Variants in ENPEP observed in about 807,000 individuals in gnomAD.
ENPEP encodes AP-A.
ENPEP carries 103 observed loss-of-function variants against 114.5 expected under a neutral mutation model. That is an observed-to-expected ratio of 0.90 (90% CI 0.77 to 1.06). The LOEUF is 1.06. Among genes scored for constraint, ENPEP ranks in the 50% least tolerant of loss-of-function variants. The pLI is 0.00. For missense variants in ENPEP, 1,196 were observed against 1,161.3 expected (o/e 1.03, Z -0.43); for synonymous variants, 420 against 422.0 (o/e 1.00, Z 0.06).
At chr4:110,505,553 T>C (rs186235643) in intron 3 of ENPEP, among the ~76,000 whole-genome samples, 1 of 152,332 alleles carries the variant, frequency 6.6e-6, no homozygotes, top group East Asian at 1.9e-4. Context: ...GATGTGTGCC[T>C]AAGTGAATAC....
intron 11 of ENPEP, among the ~76,000 whole-genome samples, chr4:110,539,601 C>T (rs1726776304): frequency 6.6e-6 from 1 of 151,912 alleles, no homozygotes; most frequent in Admixed American, 6.6e-5. Flanking sequence ...CTATGTTGAC[C>T]AGGCTGGTCT....
intron 6 of ENPEP, 43 bp from the exon 7 acceptor site, chr4:110,513,372 T>A: frequency 6.3e-7 from 1 of 1,579,244 alleles, no homozygotes; most frequent in South Asian, 1.2e-5. Context: ...TAAACTAGTA[T>A]AAAGGAAATA....
intron 3 of ENPEP, among the ~76,000 whole-genome samples, chr4:110,492,895 A>C (rs1050390243): frequency 1.3e-5 from 2 of 152,228 alleles, no homozygotes; most frequent in African/African-American, 4.8e-5. Context: ...CATCATGTGC[A>C]GGTGTTTCCC....
rs375739854 is a variant in ENPEP, at chr4:110,476,848, C to T, written c.434C>T (p.Pro145Leu). Residue 145 changes from proline to leucine, a missense_variant, in exon 1 of 20, where the codon CCG (proline) becomes CTG (leucine). Transcript: ENST00000265162. ...CGGGAGACCAGGATCACCCGGCTCC[C>T]GGAGCTGAAGAGGCCCTCTGGGGAC... ...HLRETRITRL[P>L]ELKRPSGDQV... 31 of 1,614,092 alleles carry T rather than the reference C, an allele frequency of 1.9e-5. No homozygotes were observed. In the East Asian group the frequency reaches 4.0e-4, roughly 21 times the overall value.
chr4:110,538,810 G>A (rs1726741608), intron 11 of ENPEP, among the ~76,000 whole-genome samples: 1 of 151,932 alleles, frequency 6.6e-6, no homozygotes, highest in African/African-American at 2.4e-5. Flanking sequence ...TGATTGATTG[G>A]GCTAATATCG....
chr4:110,559,177 C>G (rs1727594163), intron 18 of ENPEP: 1 of 154,484 alleles, frequency 6.5e-6, no homozygotes, highest in South Asian at 2.0e-4. Context: ...AGACGAATCA[C>G]TGGTATGTAC....
intron 1 of ENPEP, among the ~76,000 whole-genome samples, chr4:110,481,562 A>G (rs149397194): frequency 6.6e-6 from 1 of 152,212 alleles, no homozygotes; most frequent in East Asian, 1.9e-4. Flanking sequence ...CTCTCACATG[A>G]CTAGTATCCT....
chr4:110,547,759 C>T (rs1287157932), intron 13 of ENPEP, among the ~76,000 whole-genome samples: 2 of 151,918 alleles, frequency 1.3e-5, no homozygotes, highest in Non-Finnish European at 2.9e-5. Flanking sequence ...TATATTTCTT[C>T]TTCATAAGCA....
At chr4:110,510,597 A>G (rs1449446701) in intron 6 of ENPEP, among the ~76,000 whole-genome samples, 2 of 137,228 alleles carry the variant, frequency 1.5e-5, no homozygotes, top group Non-Finnish European at 3.2e-5. Context: ...CTCAAAACAC[A>G]TTATCAAGGC....
At chr4:110,543,132 A>G in intron 13 of ENPEP, 62 bp downstream of exon 13, 2 of 1,441,684 alleles carry the variant, frequency 1.4e-6, no homozygotes, top group Non-Finnish European at 1.9e-6. Context: ...AAATCTTTTA[A>G]AAATGAATTA....
At chr4:110,552,289 C>T (rs1357588086) in intron 17 of ENPEP, among the ~76,000 whole-genome samples, 2 of 152,162 alleles carry the variant, frequency 1.3e-5, no homozygotes, top group South Asian at 2.1e-4. Context: ...TTGTGTTTTC[C>T]AGTTTCACAT....
At chr4:110,526,929 T>C (rs1726217749) in intron 10 of ENPEP, among the ~76,000 whole-genome samples, 1 of 152,202 alleles carries the variant, frequency 6.6e-6, no homozygotes, top group African/African-American at 2.4e-5. Flanking sequence ...ATCAGGTGAA[T>C]TGGCGGAGAA....
At chr4:110,561,368 A>C (rs369784985) in intron 19 of ENPEP, 38 bp from the exon 20 acceptor site, 14 of 1,600,512 alleles carry the variant, frequency 8.7e-6, no homozygotes, top group African/African-American at 1.4e-5. Context: ...TAATTTGGCT[A>C]TAAATGACAA....
chr4:110,556,261 C>T (rs950972047), intron 18 of ENPEP, among the ~76,000 whole-genome samples: 4 of 151,212 alleles, frequency 2.6e-5, no homozygotes, highest in African/African-American at 9.7e-5. Flanking sequence ...CAAAAATTAC[C>T]TGTAATGCAA....
intron 1 of ENPEP, among the ~76,000 whole-genome samples, chr4:110,484,020 T>G (rs1240597721): frequency 6.6e-6 from 1 of 152,168 alleles, no homozygotes; most frequent in Non-Finnish European, 1.5e-5. Context: ...ATGCTTACAT[T>G]GCCTATAGTG....
intron 1 of ENPEP, among the ~76,000 whole-genome samples, chr4:110,479,501 T>C (rs1021192041): frequency 6.6e-6 from 1 of 152,162 alleles, no homozygotes; most frequent in Non-Finnish European, 1.5e-5. Context: ...TACATGCATA[T>C]ACATATATAT....
intron 13 of ENPEP, 37 bp from the exon 14 acceptor site, chr4:110,548,139 G>GTTTTTTTTTTTTTTTTTT (rs3042468): frequency 1.2e-5 from 8 of 692,116 alleles, no homozygotes; most frequent in Admixed American, 1.6e-4. Context: ...TTAACTGTGA[G>GTTTTTTTTTTTTTTTTTT]TTTTTTTTTT....
At chr4:110,548,111 A>G (rs1359970643) in intron 13 of ENPEP, 65 bp from the exon 14 acceptor site, 1 of 1,361,972 alleles carries the variant, frequency 7.3e-7, no homozygotes, top group Non-Finnish European at 9.4e-7. Context: ...AATGGAAACT[A>G]AAGTCTGTGG....
intron 4 of ENPEP, among the ~76,000 whole-genome samples, chr4:110,507,807 G>A (rs1310226688): frequency 2.0e-5 from 3 of 151,986 alleles, no homozygotes; most frequent in Non-Finnish European, 2.9e-5. Context: ...AAACCCCATC[G>A]CTACAAGAAA....
Sources: allele counts gnomAD v4.1 joint callset (sites outside exome capture counted in the v4.1 genomes callset), GRCh38; gene constraint gnomAD v4.1.1; transcripts MANE v1.5; gene names NCBI Gene and HGNC (gene_info 2026-07-23, HGNC 2026-07-21).